DCDC1: variants seen among roughly 807,000 people sequenced by gnomAD.
DCDC1 encodes doublecortin domain containing 1.
DCDC1 carries 200 observed loss-of-function variants against 178.3 expected under a neutral mutation model. The observed-to-expected ratio is 1.12, with a 90% confidence interval of 1.00 to 1.26. DCDC1 has a LOEUF of 1.26. Among genes scored for constraint, DCDC1 ranks in the 50% most tolerant of loss-of-function variants. The probability of loss-of-function intolerance (pLI) is 0.00; values close to 1 mark genes in which losing one functional copy is unlikely to be tolerated. For missense variants in DCDC1, 1,983 were observed against 1,749.2 expected (o/e 1.13, Z -2.38); for synonymous variants, 690 against 604.8 (o/e 1.14, Z -2.07).
chr11:31,037,664 C>T (rs1476308058), intron 20 of DCDC1, among the ~76,000 whole-genome samples: 6 of 151,898 alleles, frequency 4.0e-5, no homozygotes, highest in African/African-American at 7.3e-5. Context: ...GGGGTTTCAC[C>T]GTGTTAGCCA....
intron 1 of DCDC1, among the ~76,000 whole-genome samples, chr11:31,355,247 T>A (rs903659891): frequency 1.3e-5 from 2 of 152,166 alleles, no homozygotes; most frequent in African/African-American, 4.8e-5. Context: ...AGGGATGAAC[T>A]CACTTTTCAT....
intron 1 of DCDC1, among the ~76,000 whole-genome samples, chr11:31,361,898 C>CA (rs1185109817): frequency 3.3e-5 from 5 of 152,196 alleles, no homozygotes; most frequent in African/African-American, 1.2e-4. Context: ...ATCCTGATGA[C>CA]AGTCTTAGCT....
chr11:31,033,142 C>T (rs1031349252), intron 20 of DCDC1, among the ~76,000 whole-genome samples: 2 of 152,070 alleles, frequency 1.3e-5, no homozygotes, highest in African/African-American at 4.8e-5. Flanking sequence ...TGTATGTTGT[C>T]TGATAATTAC....
intron 9 of DCDC1, among the ~76,000 whole-genome samples, chr11:31,239,150 T>C (rs1356946358): frequency 6.6e-6 from 1 of 152,096 alleles, no homozygotes; most frequent in Non-Finnish European, 1.5e-5. Context: ...ATACGATTTA[T>C]AAACTTTAAT....
intron 9 of DCDC1, among the ~76,000 whole-genome samples, chr11:31,156,605 T>C (rs748040410): frequency 6.6e-6 from 1 of 152,186 alleles, no homozygotes; most frequent in African/African-American, 2.4e-5. Flanking sequence ...GCCATCTTTT[T>C]TCATACTAAA....
intron 32 of DCDC1, among the ~76,000 whole-genome samples, chr11:30,900,926 T>C (rs1377501433): frequency 6.6e-6 from 1 of 152,100 alleles, no homozygotes; most frequent in South Asian, 2.1e-4. Flanking sequence ...AAGAACAAAG[T>C]AATATGCTTA....
chr11:30,910,335 T>G (rs1335508894), intron 28 of DCDC1, among the ~76,000 whole-genome samples: 1 of 152,194 alleles, frequency 6.6e-6, no homozygotes, highest in Non-Finnish European at 1.5e-5. Context: ...TGTATCTCAC[T>G]GTGGTCTGTG....
At chr11:31,213,104 T>TCTCTCTCTCTCTCC (rs1565441799) in intron 9 of DCDC1, among the ~76,000 whole-genome samples, 3 of 16,224 alleles carry the variant, frequency 1.8e-4, no homozygotes, top group African/African-American at 5.4e-4. Flanking sequence ...GCCCAGCCTC[T>TCTCTCTCTCTCTCC]CTCTCTCTCT....
intron 11 of DCDC1, among the ~76,000 whole-genome samples, chr11:31,120,813 T>C (rs983990308): frequency 4.6e-5 from 7 of 152,118 alleles, no homozygotes; most frequent in African/African-American, 1.2e-4. Context: ...CCTACTAGCT[T>C]TTCCACTCAC....
intron 7 of DCDC1, among the ~76,000 whole-genome samples, chr11:31,279,105 T>C (rs1946216574): frequency 6.6e-6 from 1 of 152,174 alleles, no homozygotes; most frequent in Non-Finnish European, 1.5e-5. Context: ...GTATATCTCT[T>C]GGACCTTCTT....
intron 24 of DCDC1, among the ~76,000 whole-genome samples, chr11:30,922,014 T>A (rs163886): frequency 0.67 from 101,627 of 151,848 alleles, 34,321 homozygotes; most frequent in Middle Eastern, 0.8. Context: ...ATCAGGGAGG[T>A]AGCACACCCA....
rs1396891873 is a variant in DCDC1 at position 31,110,404 on chromosome 11, C to T, written c.1486-43G>A. ...TCAAAAATAAAAATAAATACATGCA[C>T]ACATACATACATATATTCATACATA... On this transcript the variant is annotated intron_variant, in intron 11 of 38. Transcript: ENST00000684477. 1.8e-5 allele frequency: 12 copies of T among 685,140 alleles called. No homozygotes were observed. The East Asian group carries it at 3.0e-4, about 17-fold the overall frequency. 42.4% of individuals were successfully genotyped at this position (685,140 alleles called of 1,614,324 possible). A position where few individuals can be genotyped will look rare whatever the true frequency, so the allele number is the denominator to read the frequency against.
intron 7 of DCDC1, among the ~76,000 whole-genome samples, chr11:31,281,545 G>A (rs190019675): frequency 5.3e-5 from 8 of 152,002 alleles, no homozygotes; most frequent in Admixed American, 2.0e-4. Flanking sequence ...CTCTTAAGGT[G>A]GTCAACTACA....
chr11:31,098,966 G>GT (rs1958328279), intron 15 of DCDC1, among the ~76,000 whole-genome samples: 1 of 152,138 alleles, frequency 6.6e-6, no homozygotes, highest in Non-Finnish European at 1.5e-5. Flanking sequence ...TATGATGAGT[G>GT]TTTTCTCATT....
chr11:31,366,619 G>T (rs907841335), intron 1 of DCDC1, among the ~76,000 whole-genome samples: 1 of 152,142 alleles, frequency 6.6e-6, no homozygotes, highest in Admixed American at 6.5e-5. Flanking sequence ...AGAAGCATTT[G>T]AACACAATTA....
chr11:31,142,640 T>C (rs1410987293), intron 9 of DCDC1, among the ~76,000 whole-genome samples: 2 of 152,196 alleles, frequency 1.3e-5, no homozygotes, highest in South Asian at 2.1e-4. Context: ...TAAGGATATA[T>C]TCCAACTATC....
chr11:31,349,669 T>C (rs766699797), intron 1 of DCDC1, among the ~76,000 whole-genome samples: 1 of 152,140 alleles, frequency 6.6e-6, no homozygotes, highest in Admixed American at 6.6e-5. Context: ...TTTTACAGAT[T>C]TTTTTAAAAC....
At chr11:31,272,816 G>A (rs1349140144) in intron 7 of DCDC1, among the ~76,000 whole-genome samples, 1 of 152,220 alleles carries the variant, frequency 6.6e-6, no homozygotes, top group Non-Finnish European at 1.5e-5. Flanking sequence ...ATTTCCAGAT[G>A]CATGGTGCAA....
intron 1 of DCDC1, among the ~76,000 whole-genome samples, chr11:31,346,463 C>CAAAAA (rs377761189): frequency 3.9e-4 from 33 of 83,662 alleles, no homozygotes; most frequent in South Asian, 7.9e-4. Flanking sequence ...GACTCCGTCT[C>CAAAAA]AAAAAAAAAA....
Sources: allele counts gnomAD v4.1 joint callset (sites outside exome capture counted in the v4.1 genomes callset), GRCh38; gene constraint gnomAD v4.1.1; transcripts MANE v1.5; gene names NCBI Gene and HGNC (gene_info 2026-07-23, HGNC 2026-07-21).